LRP2: variants seen among roughly 807,000 people sequenced by gnomAD.
LRP2 encodes LDL receptor related protein 2.
Under a neutral mutation model 531.0 loss-of-function variants are expected in LRP2, and 172 were observed. That is an observed-to-expected ratio of 0.32 (90% CI 0.29 to 0.37). The LOEUF is 0.37. Ranked by LOEUF, LRP2 falls within the 10% of genes least tolerant of loss-of-function variation. The pLI, the probability that LRP2 is intolerant of heterozygous loss-of-function variation, is 1.00. For synonymous variants in LRP2, 1,992 were observed against 2,027.6 expected (o/e 0.98, Z 0.47); for missense variants, 5,167 against 5,868.3 (o/e 0.88, Z 3.90).
chr2:169,215,607 T>TAC (rs1688754393), intron 35 of LRP2, among the ~76,000 whole-genome samples: 1 of 151,130 alleles, frequency 6.6e-6, no homozygotes, highest in Non-Finnish European at 1.5e-5. Context: ...CATACATACA[T>TAC]ACACACACAC....
chr2:169,316,584 G>A (rs142246573), intron 3 of LRP2, among the ~76,000 whole-genome samples: 7 of 152,258 alleles, frequency 4.6e-5, no homozygotes, highest in African/African-American at 1.7e-4. Flanking sequence ...CAGTTCAGGA[G>A]GGAAGATGAT....
At chr2:169,227,302 G>A (rs550594183) in intron 31 of LRP2, among the ~76,000 whole-genome samples, 1 of 152,250 alleles carries the variant, frequency 6.6e-6, no homozygotes, top group South Asian at 2.1e-4. Context: ...TGCATTAATG[G>A]ATGAATGTAT....
Position 169,221,709 on chromosome 2 carries a change from T to C in LRP2, c.5539-1146A>G, listed in dbSNP as rs572893694. Reference sequence around the variant, plus strand: ...ACGCACACATACACACACACACACATATATCCTTCTTTCCCTCATTCTTTT... The same window carrying C: ...ACGCACACATACACACACACACACACATATCCTTCTTTCCCTCATTCTTTT... On this transcript the variant is annotated intron_variant, in intron 33 of 78. Transcript: ENST00000649046. 5.0e-3 allele frequency among the ~76,000 whole-genome samples: 515 copies of C among 102,712 alleles called. 1 individual carries two copies. Among genetic ancestry groups the C allele is most frequent in the African/African-American group, 0.025 (496 of 19,610 alleles). The allele number at this position is 102,712 out of a possible 152,430, so 67.4% of individuals were successfully genotyped here. A position where few individuals can be genotyped will look rare whatever the true frequency, so the allele number is the denominator to read the frequency against.
rs746604345 is a variant in LRP2, at chr2:169,237,305, TAA to T, written c.4507-20_4507-19del. On this transcript the variant is annotated intron_variant, in intron 27 of 78. Transcript: ENST00000649046. ...TCAAATACCTAAAGACAAAAGTGAATAAAGAGTGAATTCTAGAGCAAATAAAT... is the reference window on the plus strand; with the variant it reads ...TCAAATACCTAAAGACAAAAGTGAATAGAGTGAATTCTAGAGCAAATAAAT... 2 of 1,575,378 alleles carry T rather than the reference TAA, an allele frequency of 1.3e-6. No individual in the cohort carries two copies. Among genetic ancestry groups the T allele is most frequent in the Non-Finnish European group, 1.7e-6 (2 of 1,145,544 alleles).
intron 1 of LRP2, among the ~76,000 whole-genome samples, chr2:169,351,089 T>TTTCTTGA (rs1685834692): frequency 6.6e-6 from 1 of 152,156 alleles, no homozygotes; most frequent in Non-Finnish European, 1.5e-5. Flanking sequence ...GAGAAGGCAG[T>TTTCTTGA]TTCTTGAAAA....
At chr2:169,362,267 C>A in intron 1 of LRP2, 54 bp downstream of exon 1, 1 of 1,478,528 alleles carries the variant, frequency 6.8e-7, no homozygotes, top group East Asian at 2.5e-5. Flanking sequence ...GGACCCGACC[C>A]TGCCACAGCC....
intron 3 of LRP2, among the ~76,000 whole-genome samples, chr2:169,310,876 A>C (rs1684576683): frequency 6.6e-6 from 1 of 152,192 alleles, no homozygotes; most frequent in South Asian, 2.1e-4. Flanking sequence ...CCTCAATTTC[A>C]GAGCCTGTTA....
chr2:169,213,553 C>T (rs1204908986), intron 36 of LRP2, 104 bp downstream of exon 36: 25 of 926,374 alleles, frequency 2.7e-5, no homozygotes, highest in South Asian at 1.2e-4. Context: ...TTTGTATGCA[C>T]GTGTATGTAC....
At position 169,275,172 on chromosome 2, in the gene LRP2, C is replaced by G. The variant is rs1213771764; in HGVS notation, c.1839G>C (p.Gln613His). 3.0e-5 allele frequency: 49 copies of G among 1,613,682 alleles called. 1 individual carries two copies. The highest frequency in any genetic ancestry group is 4.2e-5 in the Non-Finnish European group (49 of 1,179,846). ...TCTTTGTCCAATCTGTAAAGAACAC[C>G]TGACCTTCAAATAAGCTTACTCCAA... is the stretch of plus-strand genomic sequence containing the variant. Reference protein sequence around the residue: ...HPFGVSLFEGQVFFTDWTKMA... With the variant: ...HPFGVSLFEGHVFFTDWTKMA... Residue 613 changes from glutamine (Q) to histidine (H), a missense_variant, in exon 14 of 79, where the codon CAG (glutamine) becomes CAC (histidine). This residue lies in a region of LRP2 where 2,811 missense variants were observed against 3,058.0 expected (regional missense o/e 0.92). Coordinates refer to ENST00000649046, the MANE Select transcript of LRP2 (RefSeq NM_004525.3).
At chr2:169,239,985 T>C (rs1011343478) in intron 25 of LRP2, among the ~76,000 whole-genome samples, 2 of 152,168 alleles carry the variant, frequency 1.3e-5, no homozygotes, top group East Asian at 1.9e-4. Flanking sequence ...TTCATATCCA[T>C]TGGAGTATGA....
In LRP2 at chr2:169,186,034, C is replaced by T. The variant is rs1687626068; in HGVS notation, c.9329-15G>A. ...TTCATTAATGCCTGTAGGTAAAAAG[C>T]AGTTCTTAGAGATCCTAAAATATCA... On this transcript the variant is annotated splice_polypyrimidine_tract_variant and intron_variant, in intron 49 of 78. Transcript: ENST00000649046. The T allele has an allele frequency of 6.2e-7, 1 of 1,611,392 alleles. No individual in the cohort carries two copies. The highest frequency in any genetic ancestry group is 1.7e-5 in the Admixed American group (1 of 59,974).
chr2:169,247,593 G>T, intron 19 of LRP2, 78 bp from the exon 20 acceptor site: 1 of 1,458,000 alleles, frequency 6.9e-7, no homozygotes, highest in Non-Finnish European at 9.6e-7. Context: ...AATGCAATAG[G>T]CTTGAAATGC....
chr2:169,276,190 A>G (rs1683547785), intron 13 of LRP2, among the ~76,000 whole-genome samples: 1 of 152,182 alleles, frequency 6.6e-6, no homozygotes, highest in Admixed American at 6.5e-5. Context: ...ATGACATGGT[A>G]CATTAAGATT....
intron 16 of LRP2, among the ~76,000 whole-genome samples, chr2:169,262,663 A>T (rs1377331183): frequency 1.5e-4 from 21 of 143,970 alleles, no homozygotes; most frequent in Admixed American, 2.8e-4. Flanking sequence ...GAAAATGGCC[A>T]TACTGCCCAA....
Position 169,193,828 on chromosome 2 carries a change from G to T in LRP2, c.8763C>A (p.Ser2921Arg), listed in dbSNP as rs753178695. Residue 2921 changes from serine (S) to arginine (R), a missense_variant, in exon 47 of 79, where the codon AGC becomes AGA. By Grantham distance (110) the Ser-to-Arg change is moderately radical. This residue lies in a region of LRP2 where 1,129 missense variants were observed against 1,362.7 expected (regional missense o/e 0.83). Coordinates refer to ENST00000649046, the MANE Select transcript of LRP2 (RefSeq NM_004525.3). The stretch of plus-strand genomic sequence containing the variant: ...CATTATCACCGTCACAGATCCATTC[G>T]CTTGGGATGCACCTCCCACCATCAC... Reference protein sequence around the residue: ...FKCDGGRCIPSEWICDGDNDC... With the variant: ...FKCDGGRCIPREWICDGDNDC... 1 of 1,613,940 alleles carries T rather than the reference G, an allele frequency of 6.2e-7. No individual in the cohort carries two copies. Among genetic ancestry groups the T allele is most frequent in the African/African-American group, 1.3e-5 (1 of 74,884 alleles).
Position 169,160,685 on chromosome 2 carries a change from A to AAAAAAAAAAAAAAAAACAAAAAC in LRP2, c.11887+1786_11887+1787insGTTTTTGTTTTTTTTTTTTTTTT, listed in dbSNP as rs970862922. 8.8e-4 allele frequency among the ~76,000 whole-genome samples: 83 copies of AAAAAAAAAAAAAAAAACAAAAAC among 94,282 alleles called. 1 individual carries two copies. Among genetic ancestry groups the AAAAAAAAAAAAAAAAACAAAAAC allele is most frequent in the South Asian group, 3.5e-3 (10 of 2,820 alleles). 61.9% of individuals were successfully genotyped at this position (94,282 alleles called of 152,430 possible). ...TTGTTTGTGCTACTTATTTCCTTAA[A>AAAAAAAAAAAAAAAAACAAAAAC]AAAAAAAAAACCTGCTACTAATTAA... On this transcript the variant is annotated intron_variant, in intron 63 of 78. Coordinates refer to ENST00000649046, the MANE Select transcript of LRP2 (RefSeq NM_004525.3).
chr2:169,221,375 A>G (rs1688988399), intron 33 of LRP2, among the ~76,000 whole-genome samples: 1 of 152,222 alleles, frequency 6.6e-6, no homozygotes, highest in South Asian at 2.1e-4. Flanking sequence ...GGAGAAAAAG[A>G]GGCCTACAGA....
chr2:169,214,713 A>G (rs1688715759), intron 35 of LRP2, among the ~76,000 whole-genome samples: 1 of 152,300 alleles, frequency 6.6e-6, no homozygotes, highest in Non-Finnish European at 1.5e-5. Flanking sequence ...GCAACCTCAC[A>G]GAAGTGTTGG....
chr2:169,148,786 A>G lies in LRP2; in HGVS notation c.12591-1827T>C, dbSNP rs35862615. ...ATGACTTCGTTTATGCTATTGCCTG[A>G]GCTTCTGAACAGCCGGCCTGGCTCC... is the stretch of plus-strand genomic sequence containing the variant. On this transcript the variant is annotated intron_variant, in intron 68 of 78. Coordinates refer to ENST00000649046, the MANE Select transcript of LRP2 (RefSeq NM_004525.3). 6.6e-3 allele frequency among the ~76,000 whole-genome samples: 1,009 copies of G among 152,314 alleles called. 4 individuals carry two copies. The highest frequency in any genetic ancestry group is 0.01 in the Non-Finnish European group (689 of 68,020).
Sources: allele counts gnomAD v4.1 joint callset (sites outside exome capture counted in the v4.1 genomes callset), GRCh38; gene constraint gnomAD v4.1.1; regional missense constraint gnomAD v4.1.1; transcripts MANE v1.5; gene names NCBI Gene and HGNC (gene_info 2026-07-23, HGNC 2026-07-21).